SMARCB1: variants seen among roughly 807,000 people sequenced by gnomAD.
SMARCB1 encodes SWI/SNF-related matrix-associated actin-dependent regulator of chromatin subfamily B member 1.
In SMARCB1, 5 loss-of-function variants were observed where a neutral mutation model predicts 49.0. The observed-to-expected ratio is 0.10, with a 90% CI of 0.05 to 0.21. The LOEUF (loss-of-function observed/expected upper bound fraction) is 0.21. Ranked by LOEUF, SMARCB1 falls within the 10% of genes least tolerant of loss-of-function variation. SMARCB1 has a pLI of 1.00. For missense variants in SMARCB1, 226 were observed against 509.2 expected (o/e 0.44, Z 5.35); for synonymous variants, 201 against 200.1 (o/e 1.00, Z -0.04).
intron 7 of SMARCB1, among the ~76,000 whole-genome samples, chr22:23,830,522 A>G (rs1311860955): frequency 6.6e-6 from 1 of 152,194 alleles, no homozygotes; most frequent in Non-Finnish European, 1.5e-5. Context: ...TATTCTACAT[A>G]GAAGTCCCTC....
At chr22:23,812,660 G>T (rs2065610316) in intron 5 of SMARCB1, among the ~76,000 whole-genome samples, 1 of 152,118 alleles carries the variant, frequency 6.6e-6, no homozygotes, top group African/African-American at 2.4e-5. Flanking sequence ...GGGATGGAAG[G>T]CTGGGTCAAT....
chr22:23,837,974 T>C lies in SMARCB1; in HGVS notation c.*3794T>C, dbSNP rs1422806029. The stretch of plus-strand genomic sequence containing the variant: ...CCTATGTGCTATTCCCTCATCAAGA[T>C]GAGCCAGTCCAATAAAGGCGACACA... On this transcript the variant is annotated 3_prime_UTR_variant, in exon 9 of 9. Coordinates refer to ENST00000644036, the MANE Select transcript of SMARCB1 (RefSeq NM_003073.5). 1.6e-6 allele frequency: 2 copies of C among 1,265,558 alleles called. No homozygotes were observed. The highest frequency in any genetic ancestry group is 2.1e-6 in the Non-Finnish European group (2 of 934,826). 78.4% of individuals were successfully genotyped at this position (1,265,558 alleles called of 1,614,324 possible).
At chr22:23,801,166 A>ACACTCTG in intron 4 of SMARCB1, 85 bp downstream of exon 4, 1 of 1,602,562 alleles carries the variant, frequency 6.2e-7, no homozygotes, top group Non-Finnish European at 8.5e-7. Flanking sequence ...CCCCAGAAAA[A>ACACTCTG]CACTCTGCTT....
In SMARCB1 at chr22:23,837,647, CG is replaced by C; in HGVS notation, c.*3470del. ...CCAGCCTGGGGCGGACTAGATGTAC[CG>C]GGAGGCTCACCCAGCAGGTCCACGA... On this transcript the variant is annotated 3_prime_UTR_variant, in exon 9 of 9. Transcript: ENST00000644036. The C allele has an allele frequency of 6.2e-7, 1 of 1,609,552 alleles. No individual in the cohort carries two copies. The highest frequency in any genetic ancestry group is 8.5e-7 in the Non-Finnish European group (1 of 1,177,240).
rs2145978812 is a variant in SMARCB1 at position 23,801,066 on chromosome 22, G to A, written c.485G>A (p.Arg162Lys). ...NRNRMGRDKK[R>K]TFPLCFDDHD... ...AACCGCATGGGCCGAGACAAGAAGA[G>A]AACCTTCCCCCTTTGGTGTGGATGC... The change falls in exon 4 of 9, where the codon AGA becomes AAA. Residue 162 changes from arginine to lysine, a missense_variant. Arg to Lys is a conservative substitution (Grantham distance 26). Coordinates refer to ENST00000644036, the MANE Select transcript of SMARCB1 (RefSeq NM_003073.5). 6.2e-7 allele frequency: 1 copy of A among 1,614,192 alleles called. No homozygotes were observed. Among genetic ancestry groups the A allele is most frequent in the Non-Finnish European group, 8.5e-7 (1 of 1,180,024 alleles).
At position 23,835,761 on chromosome 22, in the gene SMARCB1, G is replaced by GC. The variant is rs2030996169; in HGVS notation, c.*1584dup. On this transcript the variant is annotated 3_prime_UTR_variant, in exon 9 of 9. Coordinates refer to ENST00000644036, the MANE Select transcript of SMARCB1 (RefSeq NM_003073.5). The stretch of plus-strand genomic sequence containing the variant: ...ACCTCGGCAATGAAAGGGTGAGGCA[G>GC]CCCTGTGTCTCCACAACTGGGGGGA... The GC allele has an allele frequency of 1.0e-6, 1 of 985,496 alleles. No individual in the cohort carries two copies. The highest frequency in any genetic ancestry group is 6.1e-5 in the Admixed American group (1 of 16,296). 61.0% of individuals were successfully genotyped at this position (985,496 alleles called of 1,614,324 possible). A position where few individuals can be genotyped will look rare whatever the true frequency, so the allele number is the denominator to read the frequency against.
intron 7 of SMARCB1, among the ~76,000 whole-genome samples, chr22:23,830,564 C>G (rs1057236203): frequency 5.3e-5 from 8 of 150,604 alleles, no homozygotes; most frequent in Non-Finnish European, 1.2e-4. Context: ...AAGATATTTT[C>G]TCTCATTTGG....
chr22:23,787,661 T>G (rs1928099970), intron 1 of SMARCB1, among the ~76,000 whole-genome samples: 1 of 152,140 alleles, frequency 6.6e-6, no homozygotes, highest in Non-Finnish European at 1.5e-5. Context: ...CTCCCCGTAT[T>G]GCTACTTGTG....
intron 5 of SMARCB1, among the ~76,000 whole-genome samples, chr22:23,808,698 CTT>C (rs533109746): frequency 3.1e-4 from 44 of 140,588 alleles, no homozygotes; most frequent in Admixed American, 3.6e-4. Flanking sequence ...ATTGGACATT[CTT>C]TTTTTTTTTT....
chr22:23,799,679 ATTTTTT>A (rs71184912), intron 3 of SMARCB1, among the ~76,000 whole-genome samples: 4 of 68,416 alleles, frequency 5.8e-5, no homozygotes, highest in Non-Finnish European at 2.7e-5. Flanking sequence ...CACCTGGCTA[ATTTTTT>A]TTTTTTTTTT....
chr22:23,825,142 C>T, intron 6 of SMARCB1, 83 bp from the exon 7 acceptor site: 1 of 1,201,436 alleles, frequency 8.3e-7, no homozygotes, highest in East Asian at 2.3e-5. Flanking sequence ...GCAGGGCCCA[C>T]CCCAGGCCTG....
At position 23,816,830 on chromosome 22, in the gene SMARCB1, C is replaced by T. The variant is rs2146009762; in HGVS notation, c.689C>T (p.Pro230Leu). The change falls in exon 6 of 9, where the codon CCG becomes CTG. Residue 230 changes from proline (P) to leucine (L), a missense_variant. By Grantham distance (98) the Pro-to-Leu change is moderately conservative. Around this residue, in one of 6 missense-constraint regions of SMARCB1, gnomAD observed 128 missense variants for 263.9 expected, o/e 0.49. Transcript: ENST00000644036. ...EILCDDLDLN[P>L]LTFVPAIASA... ...CTCTGTGACGATCTGGATTTGAACC[C>T]GCTGACGTTTGTGCCAGCCATCGCC... 5 of 1,613,968 alleles carry T rather than the reference C, an allele frequency of 3.1e-6. No homozygotes were observed. The highest frequency in any genetic ancestry group is 4.2e-6 in the Non-Finnish European group (5 of 1,179,848).
At chr22:23,803,128 C>A in intron 4 of SMARCB1, 167 bp from the exon 5 acceptor site, 1 of 822,914 alleles carries the variant, frequency 1.2e-6, no homozygotes, top group Non-Finnish European at 2.1e-6. Flanking sequence ...TAGACCGTGG[C>A]CCCGGGACCC....
intron 6 of SMARCB1, chr22:23,824,778 T>A: frequency 4.6e-6 from 1 of 217,970 alleles, no homozygotes; most frequent in Non-Finnish European, 9.4e-6. Flanking sequence ...CTAGGCAGGG[T>A]TTTCCGAGAG....
rs755146987 is a variant in SMARCB1 at position 23,837,750 on chromosome 22, G to A, written c.*3570G>A. The A allele has an allele frequency of 6.8e-6, 11 of 1,614,042 alleles. No homozygotes were observed. Among genetic ancestry groups the A allele is most frequent in the South Asian group, 1.1e-5 (1 of 91,084 alleles). On this transcript the variant is annotated 3_prime_UTR_variant, in exon 9 of 9. Transcript: ENST00000644036. ...ACGGTGCCTGGAAAGTGAGCAGGCCGAAGAAGTTGACCCTCACCCGAGGGC... is the reference window on the plus strand; with the variant it reads ...ACGGTGCCTGGAAAGTGAGCAGGCCAAAGAAGTTGACCCTCACCCGAGGGC...
rs772304121 is a variant in SMARCB1 at position 23,837,213 on chromosome 22, A to G, written c.*3033A>G. ...CCACAGCCCAGAGTCCTAGACCAGCAGAGCCTGCCCCAGGCCCCCATCCAC... is the reference window on the plus strand; with the variant it reads ...CCACAGCCCAGAGTCCTAGACCAGCGGAGCCTGCCCCAGGCCCCCATCCAC... On this transcript the variant is annotated 3_prime_UTR_variant, in exon 9 of 9. Transcript: ENST00000644036. 6.3e-7 allele frequency: 1 copy of G among 1,589,040 alleles called. No homozygotes were observed. The highest frequency in any genetic ancestry group is 2.3e-5 in the East Asian group (1 of 43,540).
intron 5 of SMARCB1, among the ~76,000 whole-genome samples, chr22:23,805,051 T>G (rs1929408867): frequency 6.6e-6 from 1 of 152,182 alleles, no homozygotes; most frequent in Non-Finnish European, 1.5e-5. Context: ...TTAGGCTGCT[T>G]CCTTTGGTCA....
intron 6 of SMARCB1, chr22:23,818,068 C>T (rs35404381): frequency 0.04 from 6,146 of 152,244 alleles, 362 homozygotes; most frequent in African/African-American, 0.12. Context: ...TCAGGTGATC[C>T]ACCCACCTCA....
chr22:23,791,588 G>A (rs1928377404), intron 1 of SMARCB1, among the ~76,000 whole-genome samples, 168 bp from the exon 2 acceptor site: 1 of 152,210 alleles, frequency 6.6e-6, no homozygotes, highest in African/African-American at 2.4e-5. Context: ...GTGCACTGCT[G>A]GTGAACCCTT....
Sources: allele counts gnomAD v4.1 joint callset (sites outside exome capture counted in the v4.1 genomes callset), GRCh38; gene constraint gnomAD v4.1.1; regional missense constraint gnomAD v4.1.1; transcripts MANE v1.5; gene names NCBI Gene and HGNC (gene_info 2026-07-23, HGNC 2026-07-21).